SENP5: variants seen among roughly 807,000 people sequenced by gnomAD.
The protein encoded by SENP5 is SUMO specific peptidase 5.
Under a neutral mutation model 74.2 loss-of-function variants are expected in SENP5, and 21 were observed. That is an observed-to-expected ratio of 0.28 (90% CI 0.20 to 0.41). SENP5 has a LOEUF of 0.41. Among genes scored for constraint, SENP5 ranks in the 10% least tolerant of loss-of-function variants. The pLI is 1.00. For missense variants in SENP5, 717 were observed against 889.1 expected (o/e 0.81, Z 2.46); for synonymous variants, 311 against 312.7 (o/e 0.99, Z 0.06).
chr3:196,920,393 G>A (rs1715570068), intron 6 of SENP5, among the ~76,000 whole-genome samples: 1 of 152,104 alleles, frequency 6.6e-6, no homozygotes. Context: ...TTTTGACTTT[G>A]TATCCTCTGA....
At chr3:196,915,327 G>A (rs751721866) in intron 6 of SENP5, among the ~76,000 whole-genome samples, 3 of 152,138 alleles carry the variant, frequency 2.0e-5, no homozygotes, top group East Asian at 1.9e-4. Flanking sequence ...TTTGGGGAAC[G>A]GAGAGGAAAG....
At chr3:196,890,554 C>CA (rs35762682) in intron 2 of SENP5, among the ~76,000 whole-genome samples, 29,303 of 152,120 alleles carry the variant, frequency 0.19, 3,721 homozygotes, top group South Asian at 0.37. Context: ...CGGGTTGCTG[C>CA]AAAAAAATGA....
intron 1 of SENP5, among the ~76,000 whole-genome samples, chr3:196,881,616 C>T (rs1281860425): frequency 6.6e-6 from 1 of 151,912 alleles, no homozygotes; most frequent in African/African-American, 2.4e-5. Flanking sequence ...GGCTTTTTTT[C>T]AGTTATCTCT....
At chr3:196,910,037 G>T (rs1715057321) in intron 6 of SENP5, among the ~76,000 whole-genome samples, 1 of 152,088 alleles carries the variant, frequency 6.6e-6, no homozygotes, top group African/African-American at 2.4e-5. Flanking sequence ...ACGTTGATAA[G>T]AAACTTTAGC....
At chr3:196,895,812 G>A (rs958568746) in intron 2 of SENP5, among the ~76,000 whole-genome samples, 3 of 152,152 alleles carry the variant, frequency 2.0e-5, no homozygotes, top group African/African-American at 4.8e-5. Flanking sequence ...ATGAGCCACC[G>A]TGCCTGGCCG....
At chr3:196,886,844 A>G (rs1273107449) in intron 2 of SENP5, 150 bp downstream of exon 2, 1 of 556,246 alleles carries the variant, frequency 1.8e-6, no homozygotes, top group Non-Finnish European at 3.0e-6. Context: ...TTGCTGCATT[A>G]TGTAGATGTT....
In SENP5 at chr3:196,885,455, T is replaced by G; in HGVS notation, c.274T>G (p.Leu92Val). Reference protein sequence around the residue: ...FNVATQNVSTLSSKVKRKDAK... With the variant: ...FNVATQNVSTVSSKVKRKDAK... ...TGTGGCTACTCAAAATGTTAGTACT[T>G]TGTCCTCTAAAGTGAAAAGAAAGGA... Residue 92 changes from leucine to valine, a missense_variant, in exon 2 of 10, where the codon TTG (leucine) becomes GTG (valine). Physicochemically the swap from Leu to Val is conservative, Grantham distance 32 (BLOSUM62 1). Coordinates refer to ENST00000323460, the MANE Select transcript of SENP5 (RefSeq NM_152699.5). 6.2e-7 allele frequency: 1 copy of G among 1,614,184 alleles called. No homozygotes were observed. Among genetic ancestry groups the G allele is most frequent in the African/African-American group, 1.3e-5 (1 of 75,062 alleles).
intron 6 of SENP5, among the ~76,000 whole-genome samples, chr3:196,912,101 A>G (rs1715158670): frequency 6.6e-6 from 1 of 152,180 alleles, no homozygotes; most frequent in Admixed American, 6.5e-5. Context: ...AGGAATATAA[A>G]TCATTCTCTA....
At chr3:196,918,163 C>T (rs539253315) in intron 6 of SENP5, among the ~76,000 whole-genome samples, 14 of 151,850 alleles carry the variant, frequency 9.2e-5, no homozygotes, top group East Asian at 7.7e-4. Context: ...AAAAATTAGC[C>T]GGGCGCGGTG....
rs752535287 is a variant in SENP5 at position 196,931,977 on chromosome 3, G to T, written c.*1054G>T. The stretch of plus-strand genomic sequence containing the variant: ...AGTCCCATGGGAGCGCAGCAACCGT[G>T]TCAGGTTCTTTCTCCTGTCCCATTA... On this transcript the variant is annotated 3_prime_UTR_variant, in exon 10 of 10. Transcript: ENST00000323460. 2.2e-6 allele frequency: 1 copy of T among 446,070 alleles called. No homozygotes were observed. 27.6% of individuals were successfully genotyped at this position (446,070 alleles called of 1,614,324 possible).
Position 196,928,568 on chromosome 3 carries a change from A to G in SENP5, c.2106+689A>G, listed in dbSNP as rs1476396215. ...TGAAGCCCAGGTGTGATTTTCCCCAAAGGACATCAAAACTATTGATACAGA... is the reference window on the plus strand; with the variant it reads ...TGAAGCCCAGGTGTGATTTTCCCCAGAGGACATCAAAACTATTGATACAGA... On this transcript the variant is annotated intron_variant, in intron 8 of 9. Coordinates refer to ENST00000323460, the MANE Select transcript of SENP5 (RefSeq NM_152699.5). 3.3e-5 allele frequency among the ~76,000 whole-genome samples: 5 copies of G among 152,164 alleles called. No homozygotes were observed. In the East Asian group the frequency reaches 7.7e-4, roughly 23 times the overall value.
chr3:196,909,210 A>G (rs777320658), intron 6 of SENP5, among the ~76,000 whole-genome samples: 1 of 152,232 alleles, frequency 6.6e-6, no homozygotes, highest in Non-Finnish European at 1.5e-5. Context: ...AGACTAAATC[A>G]GGAAGAAGTG....
chr3:196,884,078 A>G (rs751210476), intron 1 of SENP5, among the ~76,000 whole-genome samples: 11 of 152,232 alleles, frequency 7.2e-5, no homozygotes, highest in Non-Finnish European at 1.5e-4. Context: ...ACTTAATTAT[A>G]ATTTGCTCAT....
At chr3:196,906,226 GA>G (rs953205211) in intron 6 of SENP5, among the ~76,000 whole-genome samples, 1 of 151,080 alleles carries the variant, frequency 6.6e-6, no homozygotes, top group Non-Finnish European at 1.5e-5. Flanking sequence ...TAAAAAAAAA[GA>G]AAAAAAGACA....
chr3:196,906,234 G>C (rs999858267), intron 6 of SENP5, among the ~76,000 whole-genome samples: 13 of 151,978 alleles, frequency 8.6e-5, no homozygotes, highest in African/African-American at 3.1e-4. Context: ...AAGAAAAAAA[G>C]ACATCAGAAA....
intron 2 of SENP5, among the ~76,000 whole-genome samples, chr3:196,889,489 C>A (rs1208715156): frequency 6.6e-6 from 1 of 152,174 alleles, no homozygotes; most frequent in Admixed American, 6.5e-5. Context: ...AATGGTATCT[C>A]AGCAAGTGCT....
chr3:196,927,939 G>A, intron 8 of SENP5, 60 bp downstream of exon 8: 1 of 1,129,714 alleles, frequency 8.9e-7, no homozygotes, highest in Non-Finnish European at 1.3e-6. Context: ...ATCTAAGGGT[G>A]GGTGCCTTTA....
intron 6 of SENP5, among the ~76,000 whole-genome samples, chr3:196,917,520 T>TC (rs1715430816): frequency 1.3e-5 from 2 of 151,870 alleles, no homozygotes; most frequent in African/African-American, 4.8e-5. Context: ...CATTTAATAG[T>TC]CAAACTCCCA....
chr3:196,934,676 A>G lies in SENP5; in HGVS notation c.*3753A>G, dbSNP rs566888918. On this transcript the variant is annotated 3_prime_UTR_variant, in exon 10 of 10. Coordinates refer to ENST00000323460, the MANE Select transcript of SENP5 (RefSeq NM_152699.5). Reference sequence around the variant, plus strand: ...ATTACAGTACTCAACCCTTCTAGCAAAGTATTTTTTTGAAAAATAAACTAA... The same window carrying G: ...ATTACAGTACTCAACCCTTCTAGCAGAGTATTTTTTTGAAAAATAAACTAA... 2.6e-5 allele frequency: 4 copies of G among 152,340 alleles called. No individual in the cohort carries two copies. The East Asian group carries it at 7.7e-4, about 29-fold the overall frequency. 9.4% of individuals were successfully genotyped at this position (152,340 alleles called of 1,614,324 possible).
Sources: allele counts gnomAD v4.1 joint callset (sites outside exome capture counted in the v4.1 genomes callset), GRCh38; gene constraint gnomAD v4.1.1; transcripts MANE v1.5; gene names NCBI Gene and HGNC (gene_info 2026-07-23, HGNC 2026-07-21).